The following MUC5AC variants were observed in gnomAD, a reference collection of about 807,000 sequenced individuals.
MUC5AC encodes the protein mucin-5AC.
A neutral mutation model predicts 169.7 loss-of-function variants in MUC5AC; 158 were observed. That is an observed-to-expected ratio of 0.93 (90% CI 0.82 to 1.06). MUC5AC has a LOEUF of 1.06. Ranked by LOEUF, MUC5AC falls within the 50% of genes least tolerant of loss-of-function variation. MUC5AC has a pLI of 0.00. For missense variants in MUC5AC, 4,359 were observed against 3,089.9 expected (o/e 1.41, Z -9.74); for synonymous variants, 1,975 against 1,237.0 (o/e 1.60, Z -12.52).
In MUC5AC at chr11:1,174,510, C is replaced by T. The variant is rs2133741084; in HGVS notation, c.1980C>T (p.Asp660=). The T allele has an allele frequency of 3.9e-6, 6 of 1,556,528 alleles. No individual in the cohort carries two copies. The East Asian group carries it at 9.6e-5, about 25-fold the overall frequency. The change falls in exon 17 of 49, where the codon GAC becomes GAT. Residue 660 remains aspartate (D), a synonymous_variant. Transcript: ENST00000621226. ...PGTYYSNCMF[D]TCNCERSEDC... is the part of the protein sequence containing the mutation. ...CTTCCCTGCAGAACTGCATGTTTGA[C>T]ACCTGCAACTGTGAGCGGAGCGAGG... is the stretch of plus-strand genomic sequence containing the variant.
intron 15 of MUC5AC, among the ~76,000 whole-genome samples, chr11:1,169,422 CCACTCACCT>C (rs1860433928): frequency 9.2e-4 from 68 of 73,948 alleles, no homozygotes; most frequent in African/African-American, 1.2e-3. Context: ...ACCCATTCGC[CCACTCACCT>C]CACTCACTCA....
Position 1,186,195 on chromosome 11 carries a change from A to G in MUC5AC, c.8050A>G (p.Thr2684Ala). ...CACAACTTCTGCTTCTACAACCAGC[A>G]CAACCTCTGCTTCTACAACCAGCAC... is the stretch of plus-strand genomic sequence containing the variant. ...TSTTSASTTS[T>A]TSASTTSTTS... is the part of the protein sequence containing the mutation. The change falls in exon 31 of 49, where the codon ACA becomes GCA. Residue 2684 changes from threonine (T) to alanine (A), a missense_variant. Thr to Ala is a moderately conservative substitution (Grantham distance 58). Transcript: ENST00000621226. 5 of 750,934 alleles carry G rather than the reference A, an allele frequency of 6.7e-6. No individual in the cohort carries two copies. Among genetic ancestry groups the G allele is most frequent in the Non-Finnish European group, 1.2e-5 (5 of 410,240 alleles). The allele number at this position is 750,934 out of a possible 1,614,324, so 46.5% of individuals were successfully genotyped here.
chr11:1,158,331 C>T (rs949963116), intron 1 of MUC5AC, among the ~76,000 whole-genome samples: 6 of 152,208 alleles, frequency 3.9e-5, no homozygotes, highest in Non-Finnish European at 7.3e-5. Flanking sequence ...AGATCTCGGG[C>T]TTTCCCTCCC....
At chr11:1,165,264 C>T (rs1473203705) in intron 9 of MUC5AC, 38 bp from the exon 10 acceptor site, 1 of 1,575,858 alleles carries the variant, frequency 6.3e-7, no homozygotes, top group Admixed American at 1.7e-5. Flanking sequence ...TGCGTGGACA[C>T]AGCAGGCGCC....
intron 32 of MUC5AC, among the ~76,000 whole-genome samples, 152 bp from the exon 33 acceptor site, chr11:1,193,333 G>A (rs1364427230): frequency 6.6e-6 from 1 of 152,244 alleles, no homozygotes; most frequent in Non-Finnish European, 1.5e-5. Flanking sequence ...CGGTGTCTGG[G>A]GTGGGTGCTG....
Position 1,191,966 on chromosome 11 carries a change from C to T in MUC5AC, c.13821C>T (p.Thr4607=), listed in dbSNP as rs1424849718. 2.6e-6 allele frequency: 2 copies of T among 765,244 alleles called. No homozygotes were observed. The highest frequency in any genetic ancestry group is 1.3e-5 in the South Asian group (1 of 74,620). The allele number at this position is 765,244 out of a possible 1,614,324, so 47.4% of individuals were successfully genotyped here. A position where few individuals can be genotyped will look rare whatever the true frequency, so the allele number is the denominator to read the frequency against. ...PTTSTTPVSK[T]STSHLSVSKT... is the part of the protein sequence containing the mutation. ...CCAGCACAACCCCTGTTTCAAAGAC[C>T]AGCACAAGCCATCTTTCTGTATCCA... Residue 4607 remains threonine (T), a synonymous_variant, in exon 31 of 49, where the codon ACC becomes ACT. Coordinates refer to ENST00000621226, the MANE Select transcript of MUC5AC (RefSeq NM_001304359.2).
rs1861401190 is a variant in MUC5AC at position 1,200,557 on chromosome 11, C to T, written c.16820C>T (p.Thr5607Ile). The change falls in exon 49 of 49, where the codon ACC (threonine) becomes ATC (isoleucine). Residue 5607 changes from threonine to isoleucine, a missense_variant. Physicochemically the swap from Thr to Ile is moderately conservative, Grantham distance 89. Coordinates refer to ENST00000621226, the MANE Select transcript of MUC5AC (RefSeq NM_001304359.2). The stretch of plus-strand genomic sequence containing the variant: ...GGCTCCAGCCGGGCCTTCAGCTACA[C>T]CGAGGTGGAAGAGTGCGGCTGCATG... ...TDGSSRAFSY[T>I]EVEECGCMGR... 1 of 764,470 alleles carries T rather than the reference C, an allele frequency of 1.3e-6. No individual in the cohort carries two copies. The highest frequency in any genetic ancestry group is 1.7e-5 in the African/African-American group (1 of 59,156). The allele number at this position is 764,470 out of a possible 1,614,324, so 47.4% of individuals were successfully genotyped here.
At chr11:1,200,017 C>A in intron 48 of MUC5AC, 48 bp downstream of exon 48, 1 of 695,074 alleles carries the variant, frequency 1.4e-6, no homozygotes. Flanking sequence ...CTGTGGGGTG[C>A]AGTCAGGGCC....
intron 15 of MUC5AC, among the ~76,000 whole-genome samples, chr11:1,169,312 G>A (rs1004341929): frequency 6.6e-6 from 1 of 152,044 alleles, no homozygotes; most frequent in Admixed American, 6.6e-5. Context: ...TGGTGGGGAC[G>A]TGGGGAATGG....
rs1861052753 is a variant in MUC5AC, at chr11:1,190,145, C to G, written c.12000C>G (p.Leu4000=). 1.3e-6 allele frequency: 1 copy of G among 764,362 alleles called. No individual in the cohort carries two copies. Among genetic ancestry groups the G allele is most frequent in the Admixed American group, 1.7e-5 (1 of 58,906 alleles). The allele number at this position is 764,362 out of a possible 1,614,324, so 47.3% of individuals were successfully genotyped here. A position where few individuals can be genotyped will look rare whatever the true frequency, so the allele number is the denominator to read the frequency against. The change falls in exon 31 of 49, where the codon CTC becomes CTG. Residue 4000 remains leucine (L), a synonymous_variant. Transcript: ENST00000621226. ...GCCGACCTGAGGAGATCACCAGGCT[C>G]CAGTGCCGAGCCGAGAGCCACCCGG... is the stretch of plus-strand genomic sequence containing the variant. ...ICRRPEEITR[L]QCRAESHPEV...
intron 6 of MUC5AC, among the ~76,000 whole-genome samples, chr11:1,163,418 C>T (rs28373192): frequency 0.5 from 76,792 of 152,120 alleles, 21,067 homozygotes; most frequent in East Asian, 0.69. Context: ...CCCTGCCTCC[C>T]CCTGCCAGGC....
chr11:1,194,793 C>T (rs537181752), intron 35 of MUC5AC, 123 bp downstream of exon 35: 21 of 619,464 alleles, frequency 3.4e-5, no homozygotes, highest in Non-Finnish European at 5.5e-5. Context: ...CTGCTGAGTG[C>T]AGGCCACAGG....
rs1276926500 is a variant in MUC5AC, at chr11:1,176,670, G to A, written c.2654+5G>A. 2.0e-5 allele frequency: 8 copies of A among 398,562 alleles called. No individual in the cohort carries two copies. The highest frequency in any genetic ancestry group is 1.4e-4 in the African/African-American group (7 of 48,636). The allele number at this position is 398,562 out of a possible 1,614,324, so 24.7% of individuals were successfully genotyped here. A position where few individuals can be genotyped will look rare whatever the true frequency, so the allele number is the denominator to read the frequency against. Reference sequence around the variant, plus strand: ...CCGGGTGGGCTGCAACACCTGGTATGCCGGGGGCTCAAAGCCCATGGGGGG... The same window carrying A: ...CCGGGTGGGCTGCAACACCTGGTATACCGGGGGCTCAAAGCCCATGGGGGG... On this transcript the variant is annotated splice_donor_5th_base_variant and intron_variant, in intron 21 of 48. Transcript: ENST00000621226.
In MUC5AC at chr11:1,194,102, C is replaced by T. The variant is rs1259390261; in HGVS notation, c.14756-8C>T. On this transcript the variant is annotated splice_polypyrimidine_tract_variant and splice_region_variant and intron_variant, in intron 33 of 48. Coordinates refer to ENST00000621226, the MANE Select transcript of MUC5AC (RefSeq NM_001304359.2). ...GCCACCCGTAAGGCTGCCCCTGGGG[C>T]CTGGCAGGTGTGTGCAGCGGCTGGG... The T allele has an allele frequency of 1.3e-6, 1 of 763,612 alleles. No homozygotes were observed. The highest frequency in any genetic ancestry group is 1.7e-5 in the African/African-American group (1 of 59,140). 47.3% of individuals were successfully genotyped at this position (763,612 alleles called of 1,614,324 possible).
rs776908244 is a variant in MUC5AC, at chr11:1,196,697, T to G, written c.15806T>G (p.Val5269Gly). 4 of 760,466 alleles carry G rather than the reference T, an allele frequency of 5.3e-6. No homozygotes were observed. The highest frequency in any genetic ancestry group is 7.2e-6 in the Non-Finnish European group (3 of 415,976). The allele number at this position is 760,466 out of a possible 1,614,324, so 47.1% of individuals were successfully genotyped here. A position where few individuals can be genotyped will look rare whatever the true frequency, so the allele number is the denominator to read the frequency against. The change falls in exon 39 of 49, where the codon GTC (valine) becomes GGC (glycine). Residue 5269 changes from valine (V) to glycine (G), a missense_variant. Coordinates refer to ENST00000621226, the MANE Select transcript of MUC5AC (RefSeq NM_001304359.2). ...GMTLFSTSAQ[V>G]CVPTGCPRCL... ...ACCCTCTTCAGCACCAGTGCCCAAG[T>G]CTGCGTGCCCACGGGCTGCCCCAGT...
chr11:1,180,993 T>A (rs1860804449), intron 28 of MUC5AC, 146 bp from the exon 29 acceptor site: 1 of 397,746 alleles, frequency 2.5e-6, no homozygotes, highest in Admixed American at 4.4e-5. Context: ...CGGCCTCCTG[T>A]CCCCCAGTCT....
chr11:1,180,571 C>T (rs1860793685), intron 28 of MUC5AC, 55 bp downstream of exon 28: 2 of 398,722 alleles, frequency 5.0e-6, no homozygotes, highest in Non-Finnish European at 8.8e-6. Flanking sequence ...GGAATTTGAC[C>T]ACGGCCTGGG....
At position 1,178,447 on chromosome 11, in the gene MUC5AC, A is replaced by G. The variant is rs899086702; in HGVS notation, c.3091A>G (p.Arg1031Gly). 1.4e-5 allele frequency: 9 copies of G among 655,780 alleles called. No homozygotes were observed. The highest frequency in any genetic ancestry group is 4.2e-5 in the Admixed American group (1 of 23,610). 40.6% of individuals were successfully genotyped at this position (655,780 alleles called of 1,614,324 possible). ...FINLSPEFKG[R>G]VCGLCGNFDD... is the part of the protein sequence containing the mutation. ...ACCTCTCCCGGTGCCTCTGCAGGGC[A>G]GGGTCTGCGGCCTGTGTGGGAACTT... The change falls in exon 25 of 49, where the codon AGG becomes GGG. Residue 1031 changes from arginine (R) to glycine (G), a missense_variant. Arg to Gly is a moderately radical substitution (Grantham distance 125, BLOSUM62 -2). Coordinates refer to ENST00000621226, the MANE Select transcript of MUC5AC (RefSeq NM_001304359.2).
At position 1,194,315 on chromosome 11, in the gene MUC5AC, C is replaced by G. The variant is rs561117135; in HGVS notation, c.14961C>G (p.Arg4987=). The G allele has an allele frequency of 1.4e-6, 1 of 739,356 alleles. No homozygotes were observed. The highest frequency in any genetic ancestry group is 2.5e-6 in the Non-Finnish European group (1 of 407,074). The allele number at this position is 739,356 out of a possible 1,614,324, so 45.8% of individuals were successfully genotyped here. ...RSIILEYHQD[R]VVLTRKPVHG... ...TCATCCTGGAGTACCACCAGGACCG[C>G]GTGGTGCTGACCCGCAAGCCAGTCC... Residue 4987 remains arginine (R), a synonymous_variant, in exon 34 of 49, where the codon CGC becomes CGG. Coordinates refer to ENST00000621226, the MANE Select transcript of MUC5AC (RefSeq NM_001304359.2).
Sources: gnomAD v4.1 joint callset for allele counts (sites outside exome capture counted in the v4.1 genomes callset) on GRCh38, gnomAD v4.1.1 for gene constraint, MANE v1.5 for transcripts, NCBI Gene and HGNC (gene_info 2026-07-23, HGNC 2026-07-21) for gene names.